Variants in QTGAL observed in about 807,000 individuals in gnomAD.
QTGAL encodes the protein queuosine-tRNA galactosyltransferase, also known as BGnT-like protein 1.
At chr17:83,035,860 G>A in the QTGAL span, among the ~76,000 whole-genome samples, 1 of 131,536 alleles carries the variant, frequency 7.6e-6, no homozygotes, top group Non-Finnish European at 1.7e-5. Context: ...GACCCTCGGA[G>A]GGCGGTTTGC....
chr17:83,005,872 C>T, the QTGAL span: 8 of 1,385,562 alleles, frequency 5.8e-6, no homozygotes, highest in African/African-American at 1.2e-4. The surrounding 1 kb of genome is among the most constrained non-coding windows in gnomAD (Gnocchi z 5.6). Flanking sequence ...GCCCGGCCCC[C>T]TCCAGCCTGA....
the QTGAL span, among the ~76,000 whole-genome samples, chr17:83,010,705 G>A: frequency 6.6e-6 from 1 of 152,266 alleles, no homozygotes; most frequent in Non-Finnish European, 1.5e-5. Flanking sequence ...GCAGCTTCTT[G>A]TGGGGGCAGA....
At chr17:82,998,004 GATAT>G in the QTGAL span, among the ~76,000 whole-genome samples, 5 of 146,850 alleles carry the variant, frequency 3.4e-5, no homozygotes, top group African/African-American at 1.0e-4. Context: ...TATATATCTA[GATAT>G]ATATAGTTAC....
chr17:82,955,335 G>A, the QTGAL span, among the ~76,000 whole-genome samples: 1 of 152,118 alleles, frequency 6.6e-6, no homozygotes, highest in Non-Finnish European at 1.5e-5. Flanking sequence ...AAGAAGACAT[G>A]TGGCCAAGAA....
chr17:82,946,589 C>T, the QTGAL span, among the ~76,000 whole-genome samples: 1 of 30,230 alleles, frequency 3.3e-5, no homozygotes, highest in Non-Finnish European at 6.8e-5. Flanking sequence ...TGTGTGTACA[C>T]AGAAATTTTA....
chr17:83,041,120 G>GCC, the QTGAL span, among the ~76,000 whole-genome samples: 1 of 151,228 alleles, frequency 6.6e-6, no homozygotes, highest in African/African-American at 2.4e-5. Flanking sequence ...AATTTTACTG[G>GCC]AGGAGCTCAA....
At chr17:82,964,320 A>G in the QTGAL span, among the ~76,000 whole-genome samples, 1 of 151,510 alleles carries the variant, frequency 6.6e-6, no homozygotes, top group Non-Finnish European at 1.5e-5. Context: ...CAAAATCCTT[A>G]AGAGAAAATG....
chr17:83,045,818 T>A, the QTGAL span, among the ~76,000 whole-genome samples: 8 of 152,160 alleles, frequency 5.3e-5, no homozygotes, highest in South Asian at 6.2e-4. Context: ...TTTATTTATT[T>A]ATTTATTATT....
At chr17:82,970,701 G>A in the QTGAL span, among the ~76,000 whole-genome samples, 54 of 116,352 alleles carry the variant, frequency 4.6e-4, no homozygotes, top group Non-Finnish European at 8.8e-4. Flanking sequence ...CTCTGCACAC[G>A]GTGGCTGTGC....
chr17:83,035,077 T>A, the QTGAL span: 2 of 1,612,886 alleles, frequency 1.2e-6, no homozygotes, highest in Non-Finnish European at 1.7e-6. Context: ...TCTGGGCAAC[T>A]GCTTGATTTT....
chr17:83,048,613 C>T, the QTGAL span: 1 of 1,605,404 alleles, frequency 6.2e-7, no homozygotes, highest in Non-Finnish European at 8.5e-7. Context: ...TCCCTCCGAA[C>T]AGTCAACCGT....
At chr17:83,024,336 G>C in the QTGAL span, among the ~76,000 whole-genome samples, 1 of 149,228 alleles carries the variant, frequency 6.7e-6, no homozygotes, top group African/African-American at 2.6e-5. Context: ...CTCCCTCCTA[G>C]AGGTGCTGCT....
At chr17:82,957,050 G>A in the QTGAL span, 2 of 1,297,632 alleles carry the variant, frequency 1.5e-6, no homozygotes, top group East Asian at 2.3e-5. Flanking sequence ...TGGGGGCTGG[G>A]CTCCCTGGAG....
At chr17:83,051,701 C>A in the QTGAL span, 12 of 1,459,396 alleles carry the variant, frequency 8.2e-6, no homozygotes, top group Non-Finnish European at 1.1e-5. Flanking sequence ...GAGGACCCAG[C>A]CTGCACGGCG....
chr17:83,013,728 T>C, the QTGAL span, among the ~76,000 whole-genome samples: 1 of 152,036 alleles, frequency 6.6e-6, no homozygotes, highest in Non-Finnish European at 1.5e-5. Flanking sequence ...CAGAGGGGCC[T>C]GTCCAGGGTG....
chr17:82,986,535 A>G, the QTGAL span, among the ~76,000 whole-genome samples: 1 of 152,224 alleles, frequency 6.6e-6, no homozygotes, highest in Non-Finnish European at 1.5e-5. Context: ...GTAAATCTAA[A>G]TGGAAGAAGG....
chr17:82,995,817 A>G, the QTGAL span, among the ~76,000 whole-genome samples: 2 of 152,248 alleles, frequency 1.3e-5, no homozygotes, highest in Non-Finnish European at 2.9e-5. Context: ...GATCTCTACA[A>G]TGAAAACTAT....
the QTGAL span, among the ~76,000 whole-genome samples, chr17:83,028,889 T>C: frequency 6.6e-6 from 1 of 151,788 alleles, no homozygotes; most frequent in Admixed American, 6.6e-5. Flanking sequence ...CACAGAAGGA[T>C]GAGCAAACAG....
chr17:82,975,417 G>A, the QTGAL span, among the ~76,000 whole-genome samples: 1 of 26,486 alleles, frequency 3.8e-5, no homozygotes, highest in East Asian at 1.2e-3. Flanking sequence ...TCAGGGCCCC[G>A]GGACAGAGCC....
Sources: allele counts gnomAD v4.1 joint callset (sites outside exome capture counted in the v4.1 genomes callset), GRCh38; gene constraint gnomAD v4.1.1; non-coding constraint Gnocchi (gnomAD v3.1); transcripts MANE v1.5; gene names NCBI Gene and HGNC (gene_info 2026-07-23, HGNC 2026-07-21).